Variants in G6PD observed in about 807,000 individuals in gnomAD.
The protein encoded by G6PD is glucose-6-phosphate dehydrogenase.
A neutral mutation model predicts 38.2 loss-of-function variants in G6PD; 2 were observed. The observed-to-expected ratio is 0.05, with a 90% CI of 0.02 to 0.16. G6PD has a LOEUF of 0.16. G6PD is among the 10% of genes least tolerant of loss of function. The pLI is 1.00. For synonymous variants in G6PD, 188 were observed against 196.0 expected (o/e 0.96, Z 0.34); for missense variants, 310 against 471.6 (o/e 0.66, Z 3.17).
intron 4 of G6PD, 86 bp downstream of exon 4, chrX:154,535,851 G>C: frequency 1.3e-6 from 1 of 767,277 alleles, no homozygotes; most frequent in Non-Finnish European, 2.0e-6. Context: ...CCCGGGATGG[G>C]ATGGGGGGAG....
chrX:154,538,342 C>T (rs1302936993), intron 2 of G6PD, among the ~76,000 whole-genome samples: 1 of 111,705 alleles, frequency 9.0e-6, no homozygotes, highest in African/African-American at 3.3e-5. Context: ...CAAACCAAAT[C>T]CTGCAATGTT....
chrX:154,533,778 C>T (rs2070371767), intron 7 of G6PD, 109 bp from the exon 8 acceptor site: 1 of 1,180,632 alleles, frequency 8.5e-7, no homozygotes, highest in Non-Finnish European at 1.1e-6. Flanking sequence ...GCAAGACTCA[C>T]TTCCTGATCC....
intron 2 of G6PD, chrX:154,542,413 C>T: frequency 8.3e-7 from 1 of 1,199,602 alleles, no homozygotes; most frequent in African/African-American, 1.7e-5. Flanking sequence ...GTTCCAGGCG[C>T]ACACTAGTCT....
chrX:154,533,612 G>A lies in G6PD; in HGVS notation c.828C>T (p.Pro276=), dbSNP rs782820643. 38 of 1,210,833 alleles carry A rather than the reference G, an allele frequency of 3.1e-5. No homozygotes were observed. In the South Asian group the frequency reaches 3.9e-4, roughly 12 times the overall value. ...GGACGTCATCTGAGTTGGTGGAGGC[G>A]GGCTTCTCCATGGCCACCAGACACA... ...QMLCLVAMEK[P]ASTNSDDVRD... is the part of the protein sequence containing the mutation. The change falls in exon 8 of 13, where the codon CCC becomes CCT. Residue 276 remains proline, a synonymous_variant. Coordinates refer to ENST00000393562, the MANE Select transcript of G6PD (RefSeq NM_001360016.2).
intron 6 of G6PD, 27 bp from the exon 7 acceptor site, chrX:154,534,187 C>A (rs1557230249): frequency 1.6e-5 from 19 of 1,209,901 alleles, no homozygotes; most frequent in Non-Finnish European, 2.1e-5. Flanking sequence ...GGTGGAGGAA[C>A]TGACCTTGGG....
At position 154,536,023 on chromosome X, in the gene G6PD, G is replaced by A; in HGVS notation, c.181C>T (p.Leu61=). 8.3e-7 allele frequency: 1 copy of A among 1,211,987 alleles called. No individual in the cohort carries two copies. Among genetic ancestry groups the A allele is most frequent in the Non-Finnish European group, 1.1e-6 (1 of 895,357 alleles). ...TIWWLFRDGL[L]PENTFIVGYA... ...CCCACGATGAAGGTGTTTTCGGGCA[G>A]AAGGCCATCCCGGAACAGCCACCTG... The change falls in exon 4 of 13, where the codon CTG becomes TTG. Residue 61 remains leucine (L), a synonymous_variant. Transcript: ENST00000393562.
intron 1 of G6PD, 103 bp from the exon 2 acceptor site, chrX:154,546,266 C>G: frequency 9.5e-7 from 1 of 1,050,957 alleles, no homozygotes; most frequent in Non-Finnish European, 1.3e-6. Context: ...CAGGGTGACA[C>G]CTGATTGCCC....
Position 154,541,868 on chromosome X carries a change from AT to A in G6PD, c.120+4167del, listed in dbSNP as rs201991644. 7.1e-3 allele frequency among the ~76,000 whole-genome samples: 793 copies of A among 112,107 alleles called. 7 individuals carry two copies. Among genetic ancestry groups the A allele is most frequent in the African/African-American group, 0.025 (775 of 30,841 alleles). On this transcript the variant is annotated intron_variant, in intron 2 of 12. Coordinates refer to ENST00000393562, the MANE Select transcript of G6PD (RefSeq NM_001360016.2). ...GCCCTTGTCTTGGCATGAGGGTTTC[AT>A]GGTAGAGCACGATGCCTGCTGGAGG... is the stretch of plus-strand genomic sequence containing the variant.
chrX:154,543,179 G>C (rs1408475437), intron 2 of G6PD, among the ~76,000 whole-genome samples: 1 of 112,406 alleles, frequency 8.9e-6, no homozygotes, highest in East Asian at 2.8e-4. Flanking sequence ...TCTTCAGAGA[G>C]AGGACCCCTT....
rs1557229428 is a variant in G6PD, at chrX:154,532,084, G to A, written c.1464C>T (p.Gly488=). The A allele has an allele frequency of 3.3e-6, 4 of 1,208,669 alleles. No homozygotes were observed. Among genetic ancestry groups the A allele is most frequent in the South Asian group, 1.8e-5 (1 of 56,351 alleles). Reference sequence around the variant, plus strand: ...TCATCAGCTCGTCTGCCTCCGTGGGGCCTCGGCTGGAGAGTGACGGGTGGA... The same window carrying A: ...TCATCAGCTCGTCTGCCTCCGTGGGACCTCGGCTGGAGAGTGACGGGTGGA... The part of the protein sequence containing the change: ...KPIPYIYGSR[G]PTEADELMKR... Residue 488 remains glycine (G), a synonymous_variant, in exon 13 of 13, where the codon GGC becomes GGT. Transcript: ENST00000393562.
chrX:154,538,169 A>G (rs1358165652), intron 2 of G6PD, among the ~76,000 whole-genome samples: 1 of 109,991 alleles, frequency 9.1e-6, no homozygotes, highest in African/African-American at 3.3e-5. Context: ...AATTTTTTGT[A>G]TTTTTTGTAG....
chrX:154,533,917 T>TG, intron 7 of G6PD, 118 bp downstream of exon 7: 2 of 1,201,677 alleles, frequency 1.7e-6, no homozygotes, highest in Non-Finnish European at 2.3e-6. Context: ...GCTCAGACAC[T>TG]TAGGTTTTGA....
At position 154,542,862 on chromosome X, in the gene G6PD, G is replaced by A. The variant is rs1000300912; in HGVS notation, c.120+3174C>T. ...CACACGTCAGCCTGAACTCTTGCTG[G>A]TCTGCTTACTTGCCGTGGTTCCCTG... On this transcript the variant is annotated intron_variant, in intron 2 of 12. Transcript: ENST00000393562. Among the ~76,000 whole-genome samples the A allele has an allele frequency of 6.2e-5, 7 of 112,174 alleles. No homozygotes were observed. The South Asian group carries it at 1.5e-3, about 24-fold the overall frequency.
At chrX:154,538,579 C>G (rs2148333884) in intron 2 of G6PD, among the ~76,000 whole-genome samples, 1 of 111,943 alleles carries the variant, frequency 8.9e-6, no homozygotes, top group Non-Finnish European at 1.9e-5. Context: ...CGCTAAAACT[C>G]TTAGCAGAGG....
intron 2 of G6PD, chrX:154,542,454 TA>T: frequency 8.5e-7 from 1 of 1,174,585 alleles, no homozygotes; most frequent in Non-Finnish European, 1.1e-6. Flanking sequence ...AAGGGGGCAG[TA>T]AGTACCTCGG....
intron 2 of G6PD, among the ~76,000 whole-genome samples, chrX:154,539,494 T>C (rs1557231366): frequency 9.0e-6 from 1 of 110,833 alleles, no homozygotes; most frequent in African/African-American, 3.3e-5. Flanking sequence ...CAGTTAAGAT[T>C]TGCGCACCAA....
rs1557232199 is a variant in G6PD, at chrX:154,542,440, C to T, written c.120+3596G>A. 2.5e-6 allele frequency: 3 copies of T among 1,185,474 alleles called. No homozygotes were observed. In the South Asian group the frequency reaches 5.7e-5, roughly 23 times the overall value. ...CACTAGTCTACAAGGCCAGAGCTTT[C>T]TGGAAGGGGGCAGTAAGTACCTCGG... On this transcript the variant is annotated intron_variant, in intron 2 of 12. Transcript: ENST00000393562.
intron 5 of G6PD, chrX:154,534,927 C>G (rs1413449559): frequency 2.3e-6 from 1 of 436,503 alleles, no homozygotes; most frequent in East Asian, 3.8e-5. Flanking sequence ...CCACCCAGCG[C>G]GGGCCATGCT....
chrX:154,535,465 G>GACCCTCCACTCCCC, intron 4 of G6PD, 80 bp from the exon 5 acceptor site: 1 of 935,600 alleles, frequency 1.1e-6, no homozygotes, highest in South Asian at 2.1e-5. Context: ...CCCCAGGGGA[G>GACCCTCCACTCCCC]TGGAGGGTCT....
Sources: gnomAD v4.1 joint callset for allele counts (sites outside exome capture counted in the v4.1 genomes callset) on GRCh38, gnomAD v4.1.1 for gene constraint, MANE v1.5 for transcripts, NCBI Gene and HGNC (gene_info 2026-07-23, HGNC 2026-07-21) for gene names.